NBAS: variants seen among roughly 807,000 people sequenced by gnomAD.
NBAS encodes the protein NAG/BC035112 fusion.
A neutral mutation model predicts 302.5 loss-of-function variants in NBAS; 219 were observed. The ratio of observed to expected loss-of-function variants is 0.72; its 90% confidence interval spans 0.65 to 0.81. NBAS has a LOEUF of 0.81. Among genes scored for constraint, NBAS ranks in the 30% least tolerant of loss-of-function variants. The pLI is 0.00. For synonymous variants in NBAS, 1,118 were observed against 1,021.6 expected (o/e 1.09, Z -1.80); for missense variants, 2,932 against 2,841.6 (o/e 1.03, Z -0.72).
the NBAS span, among the ~76,000 whole-genome samples, chr2:14,784,283 T>C: frequency 1.3e-5 from 2 of 152,350 alleles, no homozygotes; most frequent in Admixed American, 6.5e-5. Context: ...TTCACTCTGA[T>C]GGTAGTTTCT....
the NBAS span, among the ~76,000 whole-genome samples, chr2:14,849,303 T>A: frequency 6.6e-6 from 1 of 152,026 alleles, no homozygotes; most frequent in African/African-American, 2.4e-5. Context: ...CAGGAGCCAA[T>A]GCGATCAACT....
At chr2:15,465,099 A>G (rs773859592) in intron 19 of NBAS, among the ~76,000 whole-genome samples, 3 of 152,320 alleles carry the variant, frequency 2.0e-5, no homozygotes, top group Non-Finnish European at 4.4e-5. Flanking sequence ...TTAAGTCCTC[A>G]AAAAAATGTG....
At chr2:15,044,201 A>G in the NBAS span, among the ~76,000 whole-genome samples, 1 of 152,318 alleles carries the variant, frequency 6.6e-6, no homozygotes, top group South Asian at 2.1e-4. Flanking sequence ...TAGATTCTAA[A>G]TGACAGAATT....
chr2:15,039,773 C>T, the NBAS span, among the ~76,000 whole-genome samples: 5 of 152,178 alleles, frequency 3.3e-5, no homozygotes, highest in East Asian at 1.9e-4. Flanking sequence ...CAATTCCTTC[C>T]GGCAGCCTCT....
chr2:15,202,805 T>G (rs906251753), intron 48 of NBAS, among the ~76,000 whole-genome samples: 1 of 152,190 alleles, frequency 6.6e-6, no homozygotes, highest in Non-Finnish European at 1.5e-5. Context: ...CCCAAAGTGC[T>G]GGGATTACAG....
intron 38 of NBAS, among the ~76,000 whole-genome samples, chr2:15,322,055 G>A (rs1399200651): frequency 6.6e-6 from 1 of 152,208 alleles, no homozygotes; most frequent in African/African-American, 2.4e-5. Context: ...ATACTATGCA[G>A]TCATAAAAAA....
the NBAS span, among the ~76,000 whole-genome samples, chr2:15,081,547 C>T: frequency 4.6e-5 from 7 of 152,370 alleles, no homozygotes; most frequent in South Asian, 1.5e-3. Context: ...TGCCCACGAC[C>T]TCTTCATCCA....
the NBAS span, among the ~76,000 whole-genome samples, chr2:14,952,584 G>A: frequency 2.0e-5 from 3 of 152,180 alleles, no homozygotes; most frequent in Admixed American, 2.0e-4. Flanking sequence ...AGGAGGGCAC[G>A]TTCATTCGGC....
At chr2:14,830,882 C>A in the NBAS span, among the ~76,000 whole-genome samples, 1 of 152,164 alleles carries the variant, frequency 6.6e-6, no homozygotes, top group African/African-American at 2.4e-5. Flanking sequence ...ACACAGTTTG[C>A]CCATTTCTGT....
chr2:15,181,666 T>G (rs1293951197), intron 50 of NBAS, among the ~76,000 whole-genome samples: 1 of 152,184 alleles, frequency 6.6e-6, no homozygotes, highest in African/African-American at 2.4e-5. Flanking sequence ...GGCCCAGGCT[T>G]AGAGCCAGGC....
chr2:14,905,787 G>A, the NBAS span, among the ~76,000 whole-genome samples: 24 of 152,104 alleles, frequency 1.6e-4, no homozygotes, highest in South Asian at 1.2e-3. Context: ...GAATGGGTGG[G>A]TTGCCTCTTC....
At chr2:15,075,922 T>C in the NBAS span, among the ~76,000 whole-genome samples, 30 of 152,236 alleles carry the variant, frequency 2.0e-4, no homozygotes, top group Non-Finnish European at 7.3e-5. Context: ...TTTGTGCTAA[T>C]TGAAGTTTTT....
the NBAS span, among the ~76,000 whole-genome samples, chr2:14,820,615 A>C: frequency 6.6e-6 from 1 of 152,362 alleles, no homozygotes; most frequent in Non-Finnish European, 1.5e-5. Flanking sequence ...ATAGCACAAT[A>C]GGGTGACTAT....
At chr2:15,015,122 A>T in the NBAS span, among the ~76,000 whole-genome samples, 2 of 151,774 alleles carry the variant, frequency 1.3e-5, no homozygotes, top group Non-Finnish European at 2.9e-5. Context: ...ACAGGCAACA[A>T]GATTGAAATA....
chr2:15,224,304 G>A (rs552992617), intron 47 of NBAS, among the ~76,000 whole-genome samples: 1 of 152,252 alleles, frequency 6.6e-6, no homozygotes, highest in East Asian at 1.9e-4. Context: ...ATAAATAAGC[G>A]AATCTTCAGT....
intron 33 of NBAS, 70 bp downstream of exon 33, chr2:15,356,233 A>G: frequency 6.0e-6 from 8 of 1,322,430 alleles, no homozygotes; most frequent in Non-Finnish European, 8.7e-6. Context: ...TTGATTTCAG[A>G]ACAGACCTTT....
chr2:15,183,972 G>A (rs1664951920), intron 50 of NBAS, among the ~76,000 whole-genome samples: 1 of 152,196 alleles, frequency 6.6e-6, no homozygotes, highest in African/African-American at 2.4e-5. Context: ...CCCCCTGGCT[G>A]TAGACACTTA....
At chr2:14,846,225 C>T in the NBAS span, among the ~76,000 whole-genome samples, 41 of 152,038 alleles carry the variant, frequency 2.7e-4, no homozygotes, top group African/African-American at 9.2e-4. Context: ...TCAGTGGAAA[C>T]TTCACAGGCC....
At chr2:15,477,772 T>G (rs909787361) in intron 13 of NBAS, among the ~76,000 whole-genome samples, 35 of 152,190 alleles carry the variant, frequency 2.3e-4, no homozygotes, top group African/African-American at 8.2e-4. Flanking sequence ...TACTTTTATT[T>G]AAATGTAAAT....
Sources: gnomAD v4.1 joint callset for allele counts (sites outside exome capture counted in the v4.1 genomes callset) on GRCh38, gnomAD v4.1.1 for gene constraint, MANE v1.5 for transcripts, NCBI Gene and HGNC (gene_info 2026-07-23, HGNC 2026-07-21) for gene names.